The following BATF2 variants were observed in gnomAD, a reference collection of about 807,000 sequenced individuals.
The protein encoded by BATF2 is basic leucine zipper ATF-like transcription factor 2, also known as basic leucine zipper transcriptional factor ATF-like 2.
BATF2 carries 4 observed loss-of-function variants against 7.3 expected under a neutral mutation model. That is an observed-to-expected ratio of 0.55 (90% confidence interval 0.27 to 1.26). The LOEUF is 1.26. Among genes scored for constraint, BATF2 ranks in the 50% most tolerant of loss-of-function variants. The pLI is 0.11. For synonymous variants in BATF2, 152 were observed against 153.9 expected (o/e 0.99, Z 0.09); for missense variants, 295 against 340.5 (o/e 0.87, Z 1.05).
At chr11:64,990,180 T>G in intron 2 of BATF2, 1 of 1,535,706 alleles carries the variant, frequency 6.5e-7, no homozygotes, top group Non-Finnish European at 8.7e-7. Flanking sequence ...TAAAGCCCTT[T>G]AGAGGCACCC....
intron 2 of BATF2, among the ~76,000 whole-genome samples, chr11:64,990,842 G>A (rs530337887): frequency 7.9e-5 from 12 of 152,120 alleles, no homozygotes; most frequent in Admixed American, 6.5e-4. Flanking sequence ...CCAGGCTGGA[G>A]TGCAGTGGCT....
chr11:64,996,602 A>G lies in BATF2; in HGVS notation c.39+274T>C, dbSNP rs141391009. ...GCTGTGAGTGTAGTGAGGGGGGACC[A>G]GGTACGTTAGGAGAGAGCAAGTACA... On this transcript the variant is annotated intron_variant, in intron 1 of 2. Coordinates refer to ENST00000301887, the MANE Select transcript of BATF2 (RefSeq NM_138456.4). Among the ~76,000 whole-genome samples, 311 of 152,336 alleles carry G rather than the reference A, an allele frequency of 2.0e-3. 5 individuals are homozygous for G. Among genetic ancestry groups the G allele is most frequent in the African/African-American group, 6.9e-3 (288 of 41,576 alleles).
rs1261539708 is a variant in BATF2, at chr11:64,989,101, A to C, written c.*28T>G. On this transcript the variant is annotated 3_prime_UTR_variant, in exon 3 of 3. Coordinates refer to ENST00000301887, the MANE Select transcript of BATF2 (RefSeq NM_138456.4). The surrounding 1 kb of genome is among the most constrained non-coding windows in gnomAD (Gnocchi z 4.3). The stretch of plus-strand genomic sequence containing the variant: ...TAAGGCTGCTTCCTGAGCCCAAAGA[A>C]GGGGCCAACCCAGCTCCGAAGACCA... The C allele has an allele frequency of 6.2e-7, 1 of 1,612,340 alleles. No homozygotes were observed. The highest frequency in any genetic ancestry group is 8.5e-7 in the Non-Finnish European group (1 of 1,178,504).
Position 64,989,426 on chromosome 11 carries a change from C to G in BATF2, c.528G>C (p.Leu176=). Residue 176 remains leucine, a synonymous_variant, in exon 3 of 3, where the codon CTG becomes CTC. Transcript: ENST00000301887. The surrounding 1 kb of genome is among the most constrained non-coding windows in gnomAD (Gnocchi z 4.3). ...PPVQLSPSPL[L]FASHTGSSLQ... ...GGCTGGAACCAGTGTGCGAGGCAAACAGGAGAGGGCTGGGGGACAGCTGGA... is the reference window on the plus strand; with the variant it reads ...GGCTGGAACCAGTGTGCGAGGCAAAGAGGAGAGGGCTGGGGGACAGCTGGA... 1 of 1,602,806 alleles carries G rather than the reference C, an allele frequency of 6.2e-7. No individual in the cohort carries two copies. The highest frequency in any genetic ancestry group is 8.5e-7 in the Non-Finnish European group (1 of 1,173,844).
At chr11:64,991,610 C>A (rs949845005) in intron 2 of BATF2, among the ~76,000 whole-genome samples, 2 of 152,188 alleles carry the variant, frequency 1.3e-5, no homozygotes, top group African/African-American at 4.8e-5. Context: ...ATTTCAATTT[C>A]ATCCCTTCCC....
rs1946050591 is a variant in BATF2, at chr11:64,989,242, T to A, written c.712A>T (p.Arg238Trp). 25 of 1,613,448 alleles carry A rather than the reference T, an allele frequency of 1.5e-5. No individual in the cohort carries two copies. Among genetic ancestry groups the A allele is most frequent in the Non-Finnish European group, 2.1e-5 (25 of 1,179,650 alleles). Residue 238 changes from arginine (R) to tryptophan (W), a missense_variant, in exon 3 of 3, where the codon AGG (arginine) becomes TGG (tryptophan). Coordinates refer to ENST00000301887, the MANE Select transcript of BATF2 (RefSeq NM_138456.4). This position sits in a 1 kb window ranked among gnomAD's most constrained non-coding sequence, Gnocchi z 4.3. ...GCTGAGAGAGCAGGTTTGTGCTCCC[T>A]GCTCTGCAGACGTGCAAGCCCCAGG... ...SALGLARLQS[R>W]EHKPALSAAT...
intron 2 of BATF2, chr11:64,990,027 C>G (rs2136875227): frequency 6.5e-7 from 1 of 1,537,694 alleles, no homozygotes; most frequent in Non-Finnish European, 8.7e-7. Flanking sequence ...TCAGATCCGC[C>G]TGCTGTCATC....
At position 64,989,660 on chromosome 11, in the gene BATF2, G is replaced by A; in HGVS notation, c.294C>T (p.Gly98=). The A allele has an allele frequency of 6.2e-7, 1 of 1,613,580 alleles. No homozygotes were observed. The stretch of plus-strand genomic sequence containing the variant: ...GGAGCCCCTCAGCCTGGTCCCAGCA[G>A]CCCAGGAGCCCTGGAGCTGAGCAGG... ...CASCSAPGLL[G]CWDQAEGLLG... Residue 98 remains glycine, a synonymous_variant, in exon 3 of 3, where the codon GGC becomes GGT. Coordinates refer to ENST00000301887, the MANE Select transcript of BATF2 (RefSeq NM_138456.4). The surrounding 1 kb of genome is among the most constrained non-coding windows in gnomAD (Gnocchi z 4.3).
Position 64,989,977 on chromosome 11 carries a change from C to G in BATF2, c.142-165G>C, listed in dbSNP as rs1301886956. On this transcript the variant is annotated intron_variant, in intron 2 of 2. Transcript: ENST00000301887. This position sits in a 1 kb window ranked among gnomAD's most constrained non-coding sequence, Gnocchi z 4.3. Reference sequence around the variant, plus strand: ...CACTCTCTGGCCAGCCCTTCATAACCACCTACCAAGTCTCCCCTGTCCCAC... The same window carrying G: ...CACTCTCTGGCCAGCCCTTCATAACGACCTACCAAGTCTCCCCTGTCCCAC... 6.7e-7 allele frequency: 1 copy of G among 1,490,314 alleles called. No homozygotes were observed. The highest frequency in any genetic ancestry group is 2.0e-5 in the Admixed American group (1 of 50,780). 92.3% of individuals were successfully genotyped at this position (1,490,314 alleles called of 1,614,324 possible).
At chr11:64,990,374 TC>T in intron 2 of BATF2, 1 of 1,432,718 alleles carries the variant, frequency 7.0e-7, no homozygotes, top group African/African-American at 1.4e-5. Context: ...TCTGTGCAAA[TC>T]CCAACAGGGC....
chr11:64,993,269 A>G (rs1946089831), intron 2 of BATF2, among the ~76,000 whole-genome samples: 1 of 152,230 alleles, frequency 6.6e-6, no homozygotes, highest in African/African-American at 2.4e-5. Flanking sequence ...CTGAGGCAGG[A>G]GGATCACTTG....
At chr11:64,994,065 T>C (rs1242794200) in intron 2 of BATF2, among the ~76,000 whole-genome samples, 1 of 152,172 alleles carries the variant, frequency 6.6e-6, no homozygotes, top group Admixed American at 6.5e-5. Flanking sequence ...CCCAAAGTGC[T>C]AGGATTACAG....
rs1946054641 is a variant in BATF2 at position 64,989,516 on chromosome 11, G to A, written c.438C>T (p.Pro146=). 7 of 1,599,372 alleles carry A rather than the reference G, an allele frequency of 4.4e-6. No homozygotes were observed. Among genetic ancestry groups the A allele is most frequent in the Non-Finnish European group, 6.0e-6 (7 of 1,173,066 alleles). ...AGGGCAGGGGGCACTGGAGGAGGCT[G>A]GGAGAATCATGAGGCTGTGGACCTG... is the stretch of plus-strand genomic sequence containing the variant. The part of the protein sequence containing the change: ...LSPGPQPHDS[P]SLLQCPLPSL... Residue 146 remains proline, a synonymous_variant, in exon 3 of 3, where the codon CCC becomes CCT. Transcript: ENST00000301887. This position sits in a 1 kb window ranked among gnomAD's most constrained non-coding sequence, Gnocchi z 4.3.
Position 64,989,217 on chromosome 11 carries a change from G to C in BATF2, c.737C>G (p.Ala246Gly). Residue 246 changes from alanine to glycine, a missense_variant, in exon 3 of 3, where the codon GCA becomes GGA. By Grantham distance (60) the Ala-to-Gly change is moderately conservative. Transcript: ENST00000301887. The surrounding 1 kb of genome is among the most constrained non-coding windows in gnomAD (Gnocchi z 4.3). ...CACAACCAGCCCTTGCCAAGTGGCTGCTGAGAGAGCAGGTTTGTGCTCCCT... is the reference window on the plus strand; with the variant it reads ...CACAACCAGCCCTTGCCAAGTGGCTCCTGAGAGAGCAGGTTTGTGCTCCCT... ...QSREHKPALS[A>G]ATWQGLVVDP... 1 of 1,614,114 alleles carries C rather than the reference G, an allele frequency of 6.2e-7. No homozygotes were observed. Among genetic ancestry groups the C allele is most frequent in the Non-Finnish European group, 8.5e-7 (1 of 1,180,010 alleles).
At chr11:64,990,349 C>T (rs1468012931) in intron 2 of BATF2, 14 of 1,454,880 alleles carry the variant, frequency 9.6e-6, no homozygotes, top group Non-Finnish European at 1.3e-5. Context: ...CCTGGACACC[C>T]TTCCGCCGCC....
Position 64,989,570 on chromosome 11 carries a change from A to G in BATF2, c.384T>C (p.Gly128=). Residue 128 remains glycine, a synonymous_variant, in exon 3 of 3, where the codon GGT becomes GGC. Transcript: ENST00000301887. This position sits in a 1 kb window ranked among gnomAD's most constrained non-coding sequence, Gnocchi z 4.3. Reference sequence around the variant, plus strand: ...AGAGCGGCTGAGCTGGGTAACAGGAACCCGGGGTCTGGAACAGCTCCAGCT... The same window carrying G: ...AGAGCGGCTGAGCTGGGTAACAGGAGCCCGGGGTCTGGAACAGCTCCAGCT... ...REQLELFQTP[G]SCYPAQPLSP... is the part of the protein sequence containing the mutation. 1 of 1,590,000 alleles carries G rather than the reference A, an allele frequency of 6.3e-7. No homozygotes were observed.
chr11:64,989,284 C>T lies in BATF2; in HGVS notation c.670G>A (p.Asp224Asn), dbSNP rs758563450. The change falls in exon 3 of 3, where the codon GAC becomes AAC. Residue 224 changes from aspartate (D) to asparagine (N), a missense_variant. By Grantham distance (23) the Asp-to-Asn change is conservative. Coordinates refer to ENST00000301887, the MANE Select transcript of BATF2 (RefSeq NM_138456.4). This position sits in a 1 kb window ranked among gnomAD's most constrained non-coding sequence, Gnocchi z 4.3. Reference sequence around the variant, plus strand: ...AGCCCCAGGGCAGAGGAAGGGTTGTCGGGAGAGGACCCCAGCTTCCCTCTG... The same window carrying T: ...AGCCCCAGGGCAGAGGAAGGGTTGTTGGGAGAGGACCCCAGCTTCCCTCTG... ...PTRGKLGSSP[D>N]NPSSALGLAR... The T allele has an allele frequency of 1.4e-5, 22 of 1,595,954 alleles. No homozygotes were observed. The highest frequency in any genetic ancestry group is 1.4e-4 in the South Asian group (12 of 88,452).
At chr11:64,990,288 C>T in intron 2 of BATF2, 1 of 1,507,062 alleles carries the variant, frequency 6.6e-7, no homozygotes, top group Non-Finnish European at 8.8e-7. Context: ...CCCCTCCCTT[C>T]CTGACCCTCA....
intron 2 of BATF2, among the ~76,000 whole-genome samples, chr11:64,992,571 G>C (rs1339557871): frequency 6.6e-6 from 1 of 152,020 alleles, no homozygotes; most frequent in African/African-American, 2.4e-5. Flanking sequence ...TATAAGAAGA[G>C]GGAAGGAGGC....
Sources: allele counts gnomAD v4.1 joint callset (sites outside exome capture counted in the v4.1 genomes callset), GRCh38; gene constraint gnomAD v4.1.1; non-coding constraint Gnocchi (gnomAD v3.1); transcripts MANE v1.5; gene names NCBI Gene and HGNC (gene_info 2026-07-23, HGNC 2026-07-21).